The following SUCLG2 variants were observed in gnomAD, a reference collection of about 807,000 sequenced individuals.
SUCLG2 encodes succinate--CoA ligase [GDP-forming] subunit beta, mitochondrial.
Under a neutral mutation model 47.9 loss-of-function variants are expected in SUCLG2, and 42 were observed. The observed-to-expected ratio is 0.88, with a 90% CI of 0.69 to 1.14. SUCLG2 has a LOEUF of 1.14. Ranked by LOEUF, SUCLG2 falls within the 50% of genes most tolerant of loss-of-function variation. SUCLG2 has a pLI of 0.00. For synonymous variants in SUCLG2, 195 were observed against 197.3 expected (o/e 0.99, Z 0.10); for missense variants, 571 against 525.9 (o/e 1.09, Z -0.84).
intron 9 of SUCLG2, among the ~76,000 whole-genome samples, chr3:67,467,458 A>G (rs1481450088): frequency 6.6e-6 from 1 of 152,238 alleles, no homozygotes; most frequent in Non-Finnish European, 1.5e-5. Context: ...TTCACGTGGA[A>G]AAAAGATGAA....
At chr3:67,381,483 T>A (rs1702157077) in intron 10 of SUCLG2, among the ~76,000 whole-genome samples, 1 of 152,142 alleles carries the variant, frequency 6.6e-6, no homozygotes, top group African/African-American at 2.4e-5. Flanking sequence ...TTCTAAAGAG[T>A]GTTTATGCCT....
At chr3:67,425,728 T>C (rs1311580805) in intron 9 of SUCLG2, among the ~76,000 whole-genome samples, 1 of 152,210 alleles carries the variant, frequency 6.6e-6, no homozygotes, top group African/African-American at 2.4e-5. Flanking sequence ...GTGGGATTCC[T>C]TGGCCTTCAT....
At chr3:67,607,390 T>C (rs543892641) in intron 2 of SUCLG2, among the ~76,000 whole-genome samples, 42 of 152,372 alleles carry the variant, frequency 2.8e-4, no homozygotes, top group Non-Finnish European at 4.6e-4. Flanking sequence ...TTTAGATATA[T>C]TGGAGTAAAC....
chr3:67,626,211 C>T (rs940176338), intron 1 of SUCLG2, among the ~76,000 whole-genome samples: 1 of 151,936 alleles, frequency 6.6e-6, no homozygotes, highest in Non-Finnish European at 1.5e-5. Flanking sequence ...CCAGGATGGT[C>T]TTGATCTCCT....
chr3:67,527,445 C>A (rs1706284450), intron 4 of SUCLG2, among the ~76,000 whole-genome samples: 1 of 152,188 alleles, frequency 6.6e-6, no homozygotes, highest in Admixed American at 6.5e-5. Flanking sequence ...GATTCTGCAA[C>A]CCAGGTAGCT....
intron 2 of SUCLG2, among the ~76,000 whole-genome samples, chr3:67,549,570 T>C (rs1706956255): frequency 6.6e-6 from 1 of 152,250 alleles, no homozygotes; most frequent in Non-Finnish European, 1.5e-5. Context: ...GGTTGATCTT[T>C]ACCTCCTTCT....
intron 10 of SUCLG2, among the ~76,000 whole-genome samples, chr3:67,389,080 G>A (rs1449088009): frequency 1.3e-5 from 2 of 152,162 alleles, no homozygotes; most frequent in African/African-American, 2.4e-5. Flanking sequence ...AACAGAGTGG[G>A]AAAACTGAGT....
At chr3:67,586,077 C>T (rs1334444685) in intron 2 of SUCLG2, among the ~76,000 whole-genome samples, 2 of 151,582 alleles carry the variant, frequency 1.3e-5, no homozygotes, top group African/African-American at 4.8e-5. Context: ...CTGACATCAA[C>T]CAGCCAAAAA....
chr3:67,490,005 C>T (rs1705165832), intron 9 of SUCLG2, among the ~76,000 whole-genome samples: 1 of 152,166 alleles, frequency 6.6e-6, no homozygotes, highest in Non-Finnish European at 1.5e-5. Flanking sequence ...ATAACTGTAA[C>T]CAATCCAGTA....
intron 2 of SUCLG2, among the ~76,000 whole-genome samples, chr3:67,597,555 C>G (rs1045772079): frequency 6.6e-6 from 1 of 152,168 alleles, no homozygotes; most frequent in African/African-American, 2.4e-5. Flanking sequence ...ACCCCACTCC[C>G]AGTAGTCATC....
At chr3:67,560,035 T>C (rs1024938200) in intron 2 of SUCLG2, among the ~76,000 whole-genome samples, 1 of 152,112 alleles carries the variant, frequency 6.6e-6, no homozygotes, top group Non-Finnish European at 1.5e-5. Flanking sequence ...AAAACTTCTC[T>C]AAAAAATTAA....
At chr3:67,383,438 A>T (rs573609329) in intron 10 of SUCLG2, among the ~76,000 whole-genome samples, 1 of 152,322 alleles carries the variant, frequency 6.6e-6, no homozygotes, top group African/African-American at 2.4e-5. Flanking sequence ...TTGTACCCCT[A>T]ACATTTTATG....
Position 67,633,447 on chromosome 3 carries a change from C to T in SUCLG2, c.84+21056G>A, listed in dbSNP as rs774603116. On this transcript the variant is annotated intron_variant, in intron 1 of 10. Transcript: ENST00000307227. Reference sequence around the variant, plus strand: ...ATGTTTTCAAACACCAAGTTCTAAACCAAAAGTCAGAGTTATTATACCCTG... The same window carrying T: ...ATGTTTTCAAACACCAAGTTCTAAATCAAAAGTCAGAGTTATTATACCCTG... Among the ~76,000 whole-genome samples, 8 of 152,116 alleles carry T rather than the reference C, an allele frequency of 5.3e-5. No homozygotes were observed. In the South Asian group the frequency reaches 6.2e-4, roughly 12 times the overall value.
chr3:67,533,456 T>C (rs1023360644), intron 2 of SUCLG2, among the ~76,000 whole-genome samples: 2 of 152,170 alleles, frequency 1.3e-5, no homozygotes, highest in Non-Finnish European at 2.9e-5. Context: ...TCGTGTAATA[T>C]GTAGCATGGC....
intron 10 of SUCLG2, among the ~76,000 whole-genome samples, chr3:67,364,699 C>T (rs1006039967): frequency 1.3e-5 from 2 of 152,128 alleles, no homozygotes; most frequent in Admixed American, 6.6e-5. Flanking sequence ...GAAGCTGGCT[C>T]GAACAGATTT....
intron 10 of SUCLG2, chr3:67,376,294 G>C: frequency 2.0e-6 from 2 of 985,392 alleles, no homozygotes; most frequent in Non-Finnish European, 2.4e-6. Flanking sequence ...AGACTCTGGC[G>C]CATCCAGCAT....
intron 9 of SUCLG2, among the ~76,000 whole-genome samples, chr3:67,414,856 A>C (rs954341388): frequency 1.3e-5 from 2 of 151,476 alleles, no homozygotes; most frequent in African/African-American, 4.8e-5. Flanking sequence ...GAAAATTTCT[A>C]TTTCTTTTTT....
intron 9 of SUCLG2, among the ~76,000 whole-genome samples, chr3:67,404,108 T>A (rs1316383212): frequency 6.6e-6 from 1 of 152,180 alleles, no homozygotes; most frequent in Non-Finnish European, 1.5e-5. Flanking sequence ...TGTCTCGAAC[T>A]CCTGACCTCT....
intron 9 of SUCLG2, among the ~76,000 whole-genome samples, chr3:67,438,385 C>A (rs1161706730): frequency 6.6e-6 from 1 of 151,664 alleles, no homozygotes; most frequent in Non-Finnish European, 1.5e-5. Context: ...AAGATCAGAG[C>A]AGAACTGAAG....
Sources: gnomAD v4.1 joint callset for allele counts (sites outside exome capture counted in the v4.1 genomes callset) on GRCh38, gnomAD v4.1.1 for gene constraint, MANE v1.5 for transcripts, NCBI Gene and HGNC (gene_info 2026-07-23, HGNC 2026-07-21) for gene names.